INTS2: variants seen among roughly 807,000 people sequenced by gnomAD.
The protein encoded by INTS2 is integrator complex subunit 2.
Under a neutral mutation model 139.6 loss-of-function variants are expected in INTS2, and 57 were observed. The observed-to-expected ratio is 0.41, with a 90% confidence interval of 0.33 to 0.51. The LOEUF (loss-of-function observed/expected upper bound fraction) is 0.51, where lower values mean the gene tolerates loss of function less well. Ranked by LOEUF, INTS2 falls within the 20% of genes least tolerant of loss-of-function variation. The pLI, the probability that INTS2 is intolerant of heterozygous loss-of-function variation, is 0.28. For missense variants in INTS2, 1,196 were observed against 1,436.7 expected (o/e 0.83, Z 2.71); for synonymous variants, 473 against 493.4 (o/e 0.96, Z 0.55).
chr17:61,865,665 T>C lies in INTS2; in HGVS notation c.*1892A>G, dbSNP rs1258736808. ...ATACTTTTAACTTTTTCTGAACTCC[T>C]AGGGCATATCTATTCACACAAAATA... On this transcript the variant is annotated 3_prime_UTR_variant, in exon 25 of 25. Transcript: ENST00000251334. This position sits in a 1 kb window ranked among gnomAD's most constrained non-coding sequence, Gnocchi z 4.8. 1 of 152,400 alleles carries C rather than the reference T, an allele frequency of 6.6e-6. No individual in the cohort carries two copies. The highest frequency in any genetic ancestry group is 1.5e-5 in the Non-Finnish European group (1 of 68,014). 9.4% of individuals were successfully genotyped at this position (152,400 alleles called of 1,614,324 possible).
At chr17:61,918,112 T>C (rs1025465433) in intron 5 of INTS2, among the ~76,000 whole-genome samples, 1 of 152,182 alleles carries the variant, frequency 6.6e-6, no homozygotes, top group African/African-American at 2.4e-5. Flanking sequence ...ACAGAACAAG[T>C]TGACAAAAAA....
At chr17:61,912,117 CA>C (rs2079532701) in intron 5 of INTS2, 47 bp from the exon 6 acceptor site, 1 of 1,586,484 alleles carries the variant, frequency 6.3e-7, no homozygotes, top group African/African-American at 1.4e-5. Context: ...ATTAATTGTT[CA>C]TGAAGATTTC....
intron 15 of INTS2, among the ~76,000 whole-genome samples, chr17:61,888,564 C>CGT (rs149283427): frequency 0.025 from 2,956 of 119,616 alleles, 36 homozygotes; most frequent in Non-Finnish European, 0.033. Flanking sequence ...TGTGTGCGTG[C>CGT]GTGTGTGTGT....
rs1298443339 is a variant in INTS2, at chr17:61,871,739, G to A, written c.2778+526C>T. 6.6e-6 allele frequency among the ~76,000 whole-genome samples: 1 copy of A among 151,866 alleles called. No individual in the cohort carries two copies. Among genetic ancestry groups the A allele is most frequent in the Non-Finnish European group, 1.5e-5 (1 of 67,956 alleles). ...ACCTCAAGTTAGGAGTTCAACACAA[G>A]CCTGGCAAACACAGCAAAACCCTGT... On this transcript the variant is annotated intron_variant, in intron 20 of 24. Transcript: ENST00000251334. This position sits in a 1 kb window ranked among gnomAD's most constrained non-coding sequence, Gnocchi z 4.9.
rs376779641 is a variant in INTS2 at position 61,871,521 on chromosome 17, G to A, written c.2778+744C>T. 6.6e-6 allele frequency among the ~76,000 whole-genome samples: 1 copy of A among 152,142 alleles called. No homozygotes were observed. On this transcript the variant is annotated intron_variant, in intron 20 of 24. Coordinates refer to ENST00000251334, the MANE Select transcript of INTS2 (RefSeq NM_001351695.2). This position sits in a 1 kb window ranked among gnomAD's most constrained non-coding sequence, Gnocchi z 4.9. ...ACATGCAGTTGTTTTTCTGTTGTCT[G>A]TCTCCATAATTTGACATTTGATCTT...
intron 7 of INTS2, 147 bp from the exon 8 acceptor site, chr17:61,907,781 T>C: frequency 1.6e-6 from 1 of 631,498 alleles, no homozygotes. Flanking sequence ...TTTTAACCAA[T>C]CAAGCAAACT....
At chr17:61,914,746 G>A (rs764616705) in intron 5 of INTS2, among the ~76,000 whole-genome samples, 7 of 150,782 alleles carry the variant, frequency 4.6e-5, no homozygotes, top group African/African-American at 9.8e-5. Flanking sequence ...CAGTGGTATC[G>A]GCTGGTAGCC....
chr17:61,884,708 T>G (rs2079209408), intron 16 of INTS2, among the ~76,000 whole-genome samples, 193 bp downstream of exon 16: 1 of 152,122 alleles, frequency 6.6e-6, no homozygotes, highest in Non-Finnish European at 1.5e-5. Flanking sequence ...TGAAAATAGC[T>G]AGGGTTGCGT....
chr17:61,911,252 C>A (rs1383114844), intron 7 of INTS2: 2 of 437,050 alleles, frequency 4.6e-6, no homozygotes, highest in Non-Finnish European at 8.0e-6. Context: ...TACCAACACA[C>A]CAGCTGTTCC....
chr17:61,905,716 A>T (rs1419918509), intron 8 of INTS2, among the ~76,000 whole-genome samples: 2 of 151,854 alleles, frequency 1.3e-5, no homozygotes, highest in Admixed American at 1.3e-4. Flanking sequence ...GTTTTTGTAG[A>T]GATGGAGTTT....
intron 12 of INTS2, 63 bp downstream of exon 12, chr17:61,895,252 G>C: frequency 1.1e-6 from 1 of 916,974 alleles, no homozygotes; most frequent in Non-Finnish European, 1.7e-6. Context: ...AGACACACAA[G>C]TTTTCTCCCA....
chr17:61,923,166 T>C (rs2143179169), intron 3 of INTS2, among the ~76,000 whole-genome samples: 1 of 151,990 alleles, frequency 6.6e-6, no homozygotes, highest in Non-Finnish European at 1.5e-5. Context: ...GAAAAATTTT[T>C]TAACATACCT....
chr17:61,898,299 T>C (rs2079369842), intron 9 of INTS2, among the ~76,000 whole-genome samples: 1 of 152,208 alleles, frequency 6.6e-6, no homozygotes, highest in African/African-American at 2.4e-5. Flanking sequence ...GCTATAAAAA[T>C]ACGACTTTTC....
intron 3 of INTS2, among the ~76,000 whole-genome samples, chr17:61,923,288 T>C (rs144205468): frequency 0.16 from 24,397 of 150,608 alleles, 2,412 homozygotes; most frequent in East Asian, 0.53. Flanking sequence ...CCATCCTGGC[T>C]AACACGGTGA....
chr17:61,919,123 C>T (rs1055408341), intron 5 of INTS2, among the ~76,000 whole-genome samples: 1 of 152,050 alleles, frequency 6.6e-6, no homozygotes, highest in Non-Finnish European at 1.5e-5. Context: ...TGGGGTTTCA[C>T]CATAGTGGCC....
intron 11 of INTS2, among the ~76,000 whole-genome samples, chr17:61,895,763 T>G (rs907394667): frequency 1.3e-5 from 2 of 152,020 alleles, no homozygotes; most frequent in South Asian, 2.1e-4. Context: ...TATGTACAGA[T>G]AGACACACAT....
At chr17:61,884,525 T>C (rs927831939) in intron 16 of INTS2, among the ~76,000 whole-genome samples, 8 of 151,624 alleles carry the variant, frequency 5.3e-5, no homozygotes, top group African/African-American at 1.9e-4. Context: ...ACAAAAGAGG[T>C]AGTGTACAAT....
rs1009520778 is a variant in INTS2 at position 61,875,280 on chromosome 17, C to T, written c.2457-242G>A. ...ACGTTCACAGTTGTAATGGAATAAT[C>T]ATGGCATATAAAATTAAAACCTGAG... On this transcript the variant is annotated intron_variant, in intron 18 of 24. Transcript: ENST00000251334. The surrounding 1 kb of genome is among the most constrained non-coding windows in gnomAD (Gnocchi z 4.6). Among the ~76,000 whole-genome samples the T allele has an allele frequency of 3.9e-5, 6 of 152,138 alleles. No individual in the cohort carries two copies. The highest frequency in any genetic ancestry group is 6.6e-5 in the Admixed American group (1 of 15,262).
At chr17:61,878,126 TAC>T (rs766938482) in intron 17 of INTS2, 38 bp from the exon 18 acceptor site, 87 of 1,294,898 alleles carry the variant, frequency 6.7e-5, no homozygotes, top group Non-Finnish European at 9.2e-5. Flanking sequence ...CTAAATTCTG[TAC>T]AGTTTATCAA....
Sources: allele counts gnomAD v4.1 joint callset (sites outside exome capture counted in the v4.1 genomes callset), GRCh38; gene constraint gnomAD v4.1.1; non-coding constraint Gnocchi (gnomAD v3.1); transcripts MANE v1.5; gene names NCBI Gene and HGNC (gene_info 2026-07-23, HGNC 2026-07-21).